Variants in PLXNA4 observed in about 807,000 individuals in gnomAD.
PLXNA4 encodes the protein plexin A4, also known as plexin-A4.
PLXNA4 carries 44 observed loss-of-function variants against 191.8 expected under a neutral mutation model. That is an observed-to-expected ratio of 0.23 (90% confidence interval 0.18 to 0.29). The LOEUF (loss-of-function observed/expected upper bound fraction) is 0.29, where lower values mean the gene tolerates loss of function less well. Among genes scored for constraint, PLXNA4 ranks in the 10% least tolerant of loss-of-function variants. The pLI, the probability that PLXNA4 is intolerant of heterozygous loss-of-function variation, is 1.00. For missense variants in PLXNA4, 1,800 were observed against 2,488.8 expected (o/e 0.72, Z 5.89); for synonymous variants, 1,082 against 1,009.5 (o/e 1.07, Z -1.36).
chr7:132,510,563 C>T (rs543713029), intron 1 of PLXNA4, among the ~76,000 whole-genome samples: 1 of 152,286 alleles, frequency 6.6e-6, no homozygotes, highest in South Asian at 2.1e-4. Flanking sequence ...CAGGCCGATA[C>T]CACCAGAACC....
rs201884142 is a variant in PLXNA4 at position 132,246,696 on chromosome 7, TA to T, written c.1504-5531del. Among the ~76,000 whole-genome samples the T allele has an allele frequency of 8.4e-3, 1,277 of 152,266 alleles. 23 individuals carry two copies. Among genetic ancestry groups the T allele is most frequent in the African/African-American group, 0.029 (1,205 of 41,536 alleles). On this transcript the variant is annotated intron_variant, in intron 4 of 31. Coordinates refer to ENST00000321063, the MANE Select transcript of PLXNA4 (RefSeq NM_020911.2). Reference sequence around the variant, plus strand: ...CTTTTGCCACCAAGGTAAGCTTCCTTAAATAATATAATGTAGTTTGGTCTGG... The same window carrying T: ...CTTTTGCCACCAAGGTAAGCTTCCTTAATAATATAATGTAGTTTGGTCTGG...
At chr7:132,167,894 T>C (rs1796167226) in intron 22 of PLXNA4, among the ~76,000 whole-genome samples, 1 of 152,134 alleles carries the variant, frequency 6.6e-6, no homozygotes, top group East Asian at 1.9e-4. Context: ...CCCGATGCTG[T>C]CCTCTGCCAC....
chr7:132,480,065 T>G (rs1797279855), intron 3 of PLXNA4, among the ~76,000 whole-genome samples: 1 of 152,196 alleles, frequency 6.6e-6, no homozygotes, highest in Non-Finnish European at 1.5e-5. Context: ...CAAGTCCCCA[T>G]ATCTATAAAG....
At chr7:132,611,836 C>T (rs200356735) in intron 2 of PLXNA4, among the ~76,000 whole-genome samples, 1 of 152,120 alleles carries the variant, frequency 6.6e-6, no homozygotes, top group Non-Finnish European at 1.5e-5. Context: ...TTATGAGCAA[C>T]TAAAGTAACA....
intron 3 of PLXNA4, among the ~76,000 whole-genome samples, chr7:132,394,122 T>C (rs1014144824): frequency 2.6e-5 from 4 of 151,886 alleles, no homozygotes; most frequent in African/African-American, 9.7e-5. Context: ...CCAGGATACA[T>C]GGGAGAGGGG....
intron 4 of PLXNA4, among the ~76,000 whole-genome samples, chr7:132,292,177 G>A (rs1800917879): frequency 6.6e-6 from 1 of 152,164 alleles, no homozygotes; most frequent in Non-Finnish European, 1.5e-5. Flanking sequence ...TTCATTAACT[G>A]TTTCACGACT....
chr7:132,640,400 A>G (rs1004946842), intron 2 of PLXNA4, among the ~76,000 whole-genome samples: 2 of 152,244 alleles, frequency 1.3e-5, no homozygotes, highest in Admixed American at 6.5e-5. Context: ...CCTAAGCCCA[A>G]TGTGACTGTA....
intron 2 of PLXNA4, among the ~76,000 whole-genome samples, chr7:132,503,994 A>G (rs1798357725): frequency 6.6e-6 from 1 of 152,216 alleles, no homozygotes; most frequent in Admixed American, 6.5e-5. Flanking sequence ...AGAAAGCCCC[A>G]GCTGCTTCCC....
intron 3 of PLXNA4, among the ~76,000 whole-genome samples, chr7:132,474,253 CACACAT>C (rs1379700929): frequency 1.5e-3 from 220 of 150,640 alleles, no homozygotes; most frequent in African/African-American, 4.8e-3. Context: ...CACACACACA[CACACAT>C]GCACACACCA....
chr7:132,191,074 T>A (rs570596839), intron 14 of PLXNA4, among the ~76,000 whole-genome samples: 1 of 152,182 alleles, frequency 6.6e-6, no homozygotes, highest in South Asian at 2.1e-4. Context: ...AGGTGGCAGA[T>A]CATGCAAAGG....
At position 132,226,247 on chromosome 7, in the gene PLXNA4, G is replaced by A. The variant is rs749948804; in HGVS notation, c.1896C>T (p.Val632=). The change falls in exon 8 of 32, where the codon GTC becomes GTT. Residue 632 remains valine, a synonymous_variant. Coordinates refer to ENST00000321063, the MANE Select transcript of PLXNA4 (RefSeq NM_020911.2). ...CCTTTGATTTGAGCTGAAGCTGTAC[G>A]ACATGGTGGTCCCCTACAAGGAGAG... ...RIITENGDHH[V]VQLQLKSKET... 102 of 1,613,328 alleles carry A rather than the reference G, an allele frequency of 6.3e-5. No homozygotes were observed. Among genetic ancestry groups the A allele is most frequent in the South Asian group, 4.9e-4 (45 of 91,054 alleles).
At chr7:132,544,580 G>T (rs1311231722) in intron 1 of PLXNA4, among the ~76,000 whole-genome samples, 1 of 152,130 alleles carries the variant, frequency 6.6e-6, no homozygotes, top group Non-Finnish European at 1.5e-5. Flanking sequence ...TATGTGACAG[G>T]TGATCCATGG....
intron 8 of PLXNA4, among the ~76,000 whole-genome samples, chr7:132,225,527 G>C (rs1798286965): frequency 1.3e-5 from 2 of 152,096 alleles, no homozygotes; most frequent in South Asian, 4.1e-4. Context: ...CAGAGCCTCG[G>C]CCCTCCCCAC....
chr7:132,180,786 C>A, intron 18 of PLXNA4, 54 bp from the exon 19 acceptor site: 1 of 1,581,580 alleles, frequency 6.3e-7, no homozygotes, highest in Non-Finnish European at 8.7e-7. Context: ...CCACAGCTAC[C>A]AGCTGGCTCT....
chr7:132,496,834 A>T (rs1798035508), intron 2 of PLXNA4, among the ~76,000 whole-genome samples: 1 of 152,152 alleles, frequency 6.6e-6, no homozygotes, highest in African/African-American at 2.4e-5. Flanking sequence ...TCCCAGCACC[A>T]GGGATGAGTG....
intron 2 of PLXNA4, among the ~76,000 whole-genome samples, chr7:132,615,768 C>A (rs1186865652): frequency 1.3e-5 from 2 of 152,120 alleles, no homozygotes; most frequent in African/African-American, 4.8e-5. Context: ...CTTTCAGCAA[C>A]GTGCACGTGG....
chr7:132,329,534 C>T (rs762082875), intron 3 of PLXNA4, among the ~76,000 whole-genome samples: 3 of 152,222 alleles, frequency 2.0e-5, no homozygotes, highest in Non-Finnish European at 4.4e-5. Context: ...ATTGATTAAG[C>T]ACCAGCCTTA....
chr7:132,602,137 A>G (rs1802832615), intron 2 of PLXNA4, among the ~76,000 whole-genome samples: 1 of 152,236 alleles, frequency 6.6e-6, no homozygotes, highest in African/African-American at 2.4e-5. Flanking sequence ...AGACTCTGGT[A>G]TGATTTTTCT....
At chr7:132,343,090 C>T (rs1428278837) in intron 3 of PLXNA4, among the ~76,000 whole-genome samples, 1 of 151,126 alleles carries the variant, frequency 6.6e-6, no homozygotes, top group African/African-American at 2.4e-5. Flanking sequence ...TACTGAAGAT[C>T]AATTCAACAG....
Sources: gnomAD v4.1 joint callset for allele counts (sites outside exome capture counted in the v4.1 genomes callset) on GRCh38, gnomAD v4.1.1 for gene constraint, MANE v1.5 for transcripts, NCBI Gene and HGNC (gene_info 2026-07-23, HGNC 2026-07-21) for gene names.